The following CNTN6 variants were observed in gnomAD, a reference collection of about 807,000 sequenced individuals.
CNTN6 encodes contactin 6, also known as contactin-6.
A neutral mutation model predicts 122.8 loss-of-function variants in CNTN6; 137 were observed. That is an observed-to-expected ratio of 1.12 (90% CI 0.97 to 1.29). The LOEUF (loss-of-function observed/expected upper bound fraction) is 1.29, where lower values mean the gene tolerates loss of function less well. CNTN6 is among the 50% of genes most tolerant of loss of function. CNTN6 has a pLI of 0.00. For missense variants in CNTN6, 1,634 were observed against 1,223.4 expected (o/e 1.34, Z -5.01); for synonymous variants, 570 against 426.0 (o/e 1.34, Z -4.16).
At chr3:1,369,832 G>T in intron 12 of CNTN6, among the ~76,000 whole-genome samples, 2 of 149,650 alleles carry the variant, frequency 1.3e-5, no homozygotes, top group African/African-American at 4.9e-5. Context: ...AAATTTTCTT[G>T]GATCCCTGGA....
At chr3:1,184,530 T>C (rs1398150837) in intron 2 of CNTN6, among the ~76,000 whole-genome samples, 3 of 152,170 alleles carry the variant, frequency 2.0e-5, no homozygotes, top group African/African-American at 4.8e-5. Flanking sequence ...ATTGTGGATA[T>C]TTGTCTATGA....
intron 16 of CNTN6, among the ~76,000 whole-genome samples, chr3:1,375,595 A>G (rs1709743070): frequency 6.6e-6 from 1 of 152,136 alleles, no homozygotes; most frequent in South Asian, 2.1e-4. Context: ...AACTATGCAA[A>G]GATCCTGAGA....
At chr3:1,217,749 A>T (rs1409793193) in intron 2 of CNTN6, among the ~76,000 whole-genome samples, 5 of 152,194 alleles carry the variant, frequency 3.3e-5, no homozygotes, top group African/African-American at 7.2e-5. Context: ...CTCTGGGCTG[A>T]TAACAAGTGC....
chr3:1,316,169 A>G (rs771106469), intron 7 of CNTN6, among the ~76,000 whole-genome samples: 2 of 149,574 alleles, frequency 1.3e-5, no homozygotes, highest in African/African-American at 4.8e-5. Flanking sequence ...ATTGTGTACT[A>G]TTACTAATTA....
intron 1 of CNTN6, among the ~76,000 whole-genome samples, chr3:1,123,952 T>C (rs1230886758): frequency 2.0e-5 from 3 of 151,962 alleles, no homozygotes; most frequent in Non-Finnish European, 4.4e-5. Context: ...ATATGAGGTT[T>C]TCTCTCCCCT....
rs113900471 is a variant in CNTN6, at chr3:1,388,278, G to C, written c.2704+2481G>C. ...CCCTGACCCCCGAGCAGCCTAACTG[G>C]GAGGCACCCCCCAGCAGGGGCACAC... On this transcript the variant is annotated intron_variant, in intron 20 of 22. Transcript: ENST00000446702. Among the ~76,000 whole-genome samples the C allele has an allele frequency of 5.3e-4, 77 of 146,000 alleles. 1 individual carries two copies. The highest frequency in any genetic ancestry group is 6.8e-3 in the Middle Eastern group (2 of 292).
At chr3:1,302,339 G>C (rs894641785) in intron 7 of CNTN6, among the ~76,000 whole-genome samples, 1 of 152,008 alleles carries the variant, frequency 6.6e-6, no homozygotes, top group African/African-American at 2.4e-5. Context: ...GTAAGATGTT[G>C]CATAACCTCA....
chr3:1,319,736 T>C (rs1266701420), intron 7 of CNTN6, among the ~76,000 whole-genome samples: 2 of 151,438 alleles, frequency 1.3e-5, no homozygotes, highest in Non-Finnish European at 3.0e-5. Context: ...AGCTCTATTT[T>C]TCCTTTGTAA....
At chr3:1,367,475 G>A (rs1017529451) in intron 12 of CNTN6, among the ~76,000 whole-genome samples, 1 of 151,858 alleles carries the variant, frequency 6.6e-6, no homozygotes, top group African/African-American at 2.4e-5. Context: ...GAAATATTCT[G>A]CTGTGACTGT....
At chr3:1,318,234 C>G (rs1485436969) in intron 7 of CNTN6, among the ~76,000 whole-genome samples, 2 of 151,610 alleles carry the variant, frequency 1.3e-5, no homozygotes, top group East Asian at 3.9e-4. Flanking sequence ...TGCTATCATT[C>G]TGGTGTGATT....
chr3:1,216,870 A>G (rs1206273403), intron 2 of CNTN6, among the ~76,000 whole-genome samples: 1 of 152,204 alleles, frequency 6.6e-6, no homozygotes, highest in African/African-American at 2.4e-5. Flanking sequence ...TCAGGAAGCC[A>G]AAGTTTAATT....
intron 2 of CNTN6, among the ~76,000 whole-genome samples, chr3:1,170,009 C>T (rs182140612): frequency 2.3e-4 from 35 of 151,986 alleles, no homozygotes; most frequent in African/African-American, 7.5e-4. Flanking sequence ...CCGAGGCGGG[C>T]GGATCACTTG....
chr3:1,103,600 G>C (rs1450759114), intron 1 of CNTN6, among the ~76,000 whole-genome samples: 2 of 152,222 alleles, frequency 1.3e-5, no homozygotes, highest in African/African-American at 4.8e-5. Flanking sequence ...TAGAAAAAGA[G>C]AGACTGGAGT....
intron 4 of CNTN6, among the ~76,000 whole-genome samples, chr3:1,270,827 G>A (rs961145829): frequency 6.6e-6 from 1 of 152,196 alleles, no homozygotes; most frequent in Admixed American, 6.5e-5. Context: ...TAGATAGAGA[G>A]GCAGTATGGT....
chr3:1,258,467 T>C (rs553156358), intron 4 of CNTN6, among the ~76,000 whole-genome samples: 1 of 152,244 alleles, frequency 6.6e-6, no homozygotes, highest in South Asian at 2.1e-4. Context: ...TTCACTGTTG[T>C]AATGCAGGGA....
At chr3:1,393,860 ATT>A (rs920664283) in intron 20 of CNTN6, among the ~76,000 whole-genome samples, 78 of 152,274 alleles carry the variant, frequency 5.1e-4, no homozygotes, top group African/African-American at 1.8e-3. Context: ...TAAAATTCTT[ATT>A]GAGATTTTCT....
intron 20 of CNTN6, among the ~76,000 whole-genome samples, chr3:1,399,615 T>C (rs1458579795): frequency 2.6e-5 from 4 of 152,062 alleles, no homozygotes; most frequent in African/African-American, 9.7e-5. Flanking sequence ...AATGAATGGA[T>C]TGGCTGTATT....
At chr3:1,099,288 A>T (rs1396164706) in intron 1 of CNTN6, among the ~76,000 whole-genome samples, 3 of 151,790 alleles carry the variant, frequency 2.0e-5, no homozygotes, top group African/African-American at 7.3e-5. Flanking sequence ...CGTCTCTACC[A>T]AAAATACAAA....
At chr3:1,334,296 T>C (rs1559854489) in intron 11 of CNTN6, among the ~76,000 whole-genome samples, 1 of 151,960 alleles carries the variant, frequency 6.6e-6, no homozygotes, top group East Asian at 1.9e-4. Flanking sequence ...GCACTGGGAA[T>C]TAGAAAACAC....
Sources: allele counts gnomAD v4.1 joint callset (sites outside exome capture counted in the v4.1 genomes callset), GRCh38; gene constraint gnomAD v4.1.1; transcripts MANE v1.5; gene names NCBI Gene and HGNC (gene_info 2026-07-23, HGNC 2026-07-21).